Variants in ANKRD31 observed in about 807,000 individuals in gnomAD.
The protein encoded by ANKRD31 is ankyrin repeat domain 31.
ANKRD31 carries 147 observed loss-of-function variants against 186.0 expected under a neutral mutation model. The ratio of observed to expected loss-of-function variants is 0.79; its 90% confidence interval spans 0.69 to 0.91. The LOEUF (loss-of-function observed/expected upper bound fraction) is 0.91. Among genes scored for constraint, ANKRD31 ranks in the 40% least tolerant of loss-of-function variants. The probability of loss-of-function intolerance (pLI) is 0.00; values close to 1 mark genes in which losing one functional copy is unlikely to be tolerated. For synonymous variants in ANKRD31, 673 were observed against 736.4 expected (o/e 0.91, Z 1.39); for missense variants, 1,986 against 2,148.8 (o/e 0.92, Z 1.50).
At chr5:75,208,414 C>T (rs1756391784) in intron 4 of ANKRD31, among the ~76,000 whole-genome samples, 2 of 151,926 alleles carry the variant, frequency 1.3e-5, no homozygotes, top group South Asian at 2.1e-4. Context: ...CTGAGCTTTC[C>T]CCTCACCCCC....
intron 5 of ANKRD31, among the ~76,000 whole-genome samples, chr5:75,200,295 TTC>T (rs1278907211): frequency 9.3e-6 from 1 of 107,424 alleles, no homozygotes; most frequent in Non-Finnish European, 1.7e-5. Flanking sequence ...CATTCTTTCT[TTC>T]TTTTTTTTTT....
intron 2 of ANKRD31, among the ~76,000 whole-genome samples, chr5:75,225,883 C>T (rs906654392): frequency 6.6e-6 from 1 of 152,170 alleles, no homozygotes; most frequent in African/African-American, 2.4e-5. Context: ...TCAATAAGGC[C>T]TTGAACAGCA....
intron 22 of ANKRD31, among the ~76,000 whole-genome samples, chr5:75,094,013 AT>A (rs1199306157): frequency 6.6e-6 from 1 of 152,238 alleles, no homozygotes. Flanking sequence ...GTATAAATGC[AT>A]ATTTCTTCTC....
At chr5:75,132,738 A>G (rs1423960766) in intron 17 of ANKRD31, among the ~76,000 whole-genome samples, 1 of 152,208 alleles carries the variant, frequency 6.6e-6, no homozygotes, top group Non-Finnish European at 1.5e-5. Context: ...GTTGAAATGA[A>G]GGAAAAAATG....
chr5:75,135,215 G>A (rs1024384426), intron 17 of ANKRD31, among the ~76,000 whole-genome samples: 2 of 152,200 alleles, frequency 1.3e-5, no homozygotes, highest in African/African-American at 2.4e-5. Flanking sequence ...TAGGAAAAGA[G>A]GAAGTCAAAT....
At chr5:75,160,583 T>G (rs921422807) in intron 11 of ANKRD31, among the ~76,000 whole-genome samples, 5 of 152,168 alleles carry the variant, frequency 3.3e-5, no homozygotes, top group Admixed American at 1.3e-4. Flanking sequence ...ATCTGAGACA[T>G]ACATTGGATT....
intron 25 of ANKRD31, 95 bp downstream of exon 25, chr5:75,080,473 T>A: frequency 1.3e-6 from 1 of 781,514 alleles, no homozygotes; most frequent in Non-Finnish European, 2.0e-6. Context: ...GTGATATGCA[T>A]AATATTTGAC....
chr5:75,188,168 A>G lies in ANKRD31; in HGVS notation c.1564+325T>C, dbSNP rs1448753216. Among the ~76,000 whole-genome samples the G allele has an allele frequency of 5.3e-5, 8 of 152,132 alleles. No individual in the cohort carries two copies. In the East Asian group the frequency reaches 1.5e-3, roughly 29 times the overall value. On this transcript the variant is annotated intron_variant, in intron 10 of 25. Transcript: ENST00000506364. ...TCAGCTTCTTCCAGTGTTTGACATC[A>G]TTTCTCCTTCATTCAAGGCTGAGTC...
intron 2 of ANKRD31, among the ~76,000 whole-genome samples, chr5:75,228,684 C>G (rs767996911): frequency 8.5e-5 from 13 of 152,062 alleles, no homozygotes; most frequent in Non-Finnish European, 1.5e-5. Context: ...AGGAACATGA[C>G]CTTTCATTTT....
intron 22 of ANKRD31, among the ~76,000 whole-genome samples, chr5:75,099,816 C>G (rs558512953): frequency 7.9e-5 from 12 of 152,136 alleles, no homozygotes; most frequent in Non-Finnish European, 1.6e-4. Flanking sequence ...TTTGACTCTT[C>G]TTTTTTATCA....
At chr5:75,217,870 G>A (rs1161935201) in intron 3 of ANKRD31, among the ~76,000 whole-genome samples, 1 of 152,164 alleles carries the variant, frequency 6.6e-6, no homozygotes, top group Non-Finnish European at 1.5e-5. Flanking sequence ...GTGTACTTAA[G>A]TGTGTTTTTG....
intron 18 of ANKRD31, among the ~76,000 whole-genome samples, chr5:75,116,947 T>C (rs1265458573): frequency 6.6e-6 from 1 of 152,156 alleles, no homozygotes; most frequent in African/African-American, 2.4e-5. Flanking sequence ...ATTATATCCA[T>C]TTTATAGAAG....
chr5:75,223,156 T>C (rs1757409022), intron 2 of ANKRD31, among the ~76,000 whole-genome samples: 1 of 152,240 alleles, frequency 6.6e-6, no homozygotes, highest in Non-Finnish European at 1.5e-5. Context: ...TGAGATGGTA[T>C]CTCCTTGTGG....
At chr5:75,141,345 T>C (rs570399904) in intron 15 of ANKRD31, among the ~76,000 whole-genome samples, 1 of 152,090 alleles carries the variant, frequency 6.6e-6, no homozygotes, top group Non-Finnish European at 1.5e-5. Flanking sequence ...TATGTGTGTG[T>C]GTGTGTGTGT....
At chr5:75,196,271 G>C in intron 6 of ANKRD31, 71 bp from the exon 7 acceptor site, 2 of 1,193,170 alleles carry the variant, frequency 1.7e-6, no homozygotes, top group Non-Finnish European at 2.2e-6. Flanking sequence ...AAACTTTATA[G>C]TTTTATAGTT....
At chr5:75,127,504 T>C (rs894328407) in intron 17 of ANKRD31, among the ~76,000 whole-genome samples, 1 of 152,214 alleles carries the variant, frequency 6.6e-6, no homozygotes, top group Non-Finnish European at 1.5e-5. Flanking sequence ...ATCTAACTTA[T>C]GCTAGTAACA....
At chr5:75,084,495 C>A (rs1745332756) in intron 23 of ANKRD31, 121 bp from the exon 24 acceptor site, 2 of 764,766 alleles carry the variant, frequency 2.6e-6, no homozygotes, top group Non-Finnish European at 4.3e-6. Flanking sequence ...GATTAGCAAG[C>A]TTCAGTCCAT....
intron 22 of ANKRD31, among the ~76,000 whole-genome samples, chr5:75,098,637 T>C (rs57862058): frequency 6.6e-6 from 1 of 152,060 alleles, no homozygotes; most frequent in East Asian, 1.9e-4. Flanking sequence ...TCCTTGAAGA[T>C]GTCCTTCACA....
chr5:75,089,202 C>T (rs979015904), intron 23 of ANKRD31, among the ~76,000 whole-genome samples: 4 of 152,178 alleles, frequency 2.6e-5, no homozygotes, highest in Non-Finnish European at 2.9e-5. Flanking sequence ...ACAAATCACT[C>T]GGCCACACCA....
Sources: allele counts gnomAD v4.1 joint callset (sites outside exome capture counted in the v4.1 genomes callset), GRCh38; gene constraint gnomAD v4.1.1; transcripts MANE v1.5; gene names NCBI Gene and HGNC (gene_info 2026-07-23, HGNC 2026-07-21).